The following SLC35F1 variants were observed in gnomAD, a reference collection of about 807,000 sequenced individuals.
The protein encoded by SLC35F1 is chromosome 6 open reading frame 169.
A neutral mutation model predicts 48.7 loss-of-function variants in SLC35F1; 14 were observed. The ratio of observed to expected loss-of-function variants is 0.29; its 90% CI spans 0.19 to 0.45. The LOEUF is 0.45. Among genes scored for constraint, SLC35F1 ranks in the 20% least tolerant of loss-of-function variants. The pLI is 1.00. For synonymous variants in SLC35F1, 190 were observed against 202.2 expected, an observed-to-expected ratio of 0.94 and a Z score of 0.51; for missense variants, 404 against 500.0, an observed-to-expected ratio of 0.81 and a Z score of 1.83.
At chr6:117,979,715 A>G (rs1776750577) in intron 1 of SLC35F1, among the ~76,000 whole-genome samples, 1 of 152,166 alleles carries the variant, frequency 6.6e-6, no homozygotes, top group Non-Finnish European at 1.5e-5. Flanking sequence ...GTCCAAAGTC[A>G]TGTAAGAGGG....
At chr6:117,999,926 A>G in intron 1 of SLC35F1, among the ~76,000 whole-genome samples, 1 of 151,578 alleles carries the variant, frequency 6.6e-6, no homozygotes, top group African/African-American at 2.4e-5. Context: ...GAATAGACCA[A>G]TAACAGGCTC....
At chr6:118,274,970 G>A (rs1403723274) in intron 4 of SLC35F1, among the ~76,000 whole-genome samples, 1 of 152,134 alleles carries the variant, frequency 6.6e-6, no homozygotes. Flanking sequence ...CTAAACTGCT[G>A]GAAAATGTCC....
intron 2 of SLC35F1, among the ~76,000 whole-genome samples, chr6:118,215,156 GA>G (rs199946620): frequency 2.7e-5 from 4 of 150,712 alleles, no homozygotes; most frequent in East Asian, 2.0e-4. Context: ...AAAACCTGGG[GA>G]AAAAAAAATC....
chr6:118,239,209 A>C lies in SLC35F1; in HGVS notation c.477+3573A>C, dbSNP rs533174468. Among the ~76,000 whole-genome samples the C allele has an allele frequency of 9.5e-4, 142 of 149,890 alleles. No homozygotes were observed. In the Middle Eastern group the frequency reaches 0.014, roughly 14 times the overall value. On this transcript the variant is annotated intron_variant, in intron 3 of 7. Transcript: ENST00000360388. The stretch of plus-strand genomic sequence containing the variant: ...AGGATAGTCTCTTGTTCACCATTGA[A>C]TCTCTAGTACCTAGAGGAAACCCCA...
At chr6:118,265,850 G>C (rs1410523497) in intron 3 of SLC35F1, among the ~76,000 whole-genome samples, 3 of 152,190 alleles carry the variant, frequency 2.0e-5, no homozygotes, top group Non-Finnish European at 4.4e-5. Context: ...CAAATCATAA[G>C]TTCCTCATGT....
At chr6:117,999,934 C>A (rs1777065232) in intron 1 of SLC35F1, among the ~76,000 whole-genome samples, 1 of 151,654 alleles carries the variant, frequency 6.6e-6, no homozygotes, top group Non-Finnish European at 1.5e-5. Context: ...CAATAACAGG[C>A]TCTGAAATTG....
intron 1 of SLC35F1, among the ~76,000 whole-genome samples, chr6:117,920,318 T>C (rs1166275686): frequency 6.6e-6 from 1 of 152,198 alleles, no homozygotes; most frequent in Non-Finnish European, 1.5e-5. Context: ...GGGGCGAGTG[T>C]TCCGCGGGGT....
chr6:118,138,415 G>A (rs1000779790), intron 1 of SLC35F1, among the ~76,000 whole-genome samples: 5 of 152,016 alleles, frequency 3.3e-5, no homozygotes, highest in African/African-American at 1.2e-4. Flanking sequence ...CTAAAACCTA[G>A]TCTCTTGTTA....
intron 1 of SLC35F1, among the ~76,000 whole-genome samples, chr6:118,049,560 G>A (rs1350747338): frequency 6.6e-6 from 1 of 151,612 alleles, no homozygotes; most frequent in Non-Finnish European, 1.5e-5. Context: ...CAAAGGATAT[G>A]AACAGACACT....
chr6:118,073,977 AGCT>A (rs1772781190), intron 1 of SLC35F1, among the ~76,000 whole-genome samples: 1 of 152,224 alleles, frequency 6.6e-6, no homozygotes, highest in African/African-American at 2.4e-5. Context: ...TCCAGGGGAA[AGCT>A]GCTTGTCAAA....
At chr6:118,288,361 C>T (rs920151407) in intron 7 of SLC35F1, among the ~76,000 whole-genome samples, 2 of 152,106 alleles carry the variant, frequency 1.3e-5, no homozygotes, top group African/African-American at 2.4e-5. Flanking sequence ...GCTTTTTATA[C>T]ATTTTAGGGA....
intron 2 of SLC35F1, among the ~76,000 whole-genome samples, chr6:118,165,879 A>T (rs1331195498): frequency 1.3e-5 from 2 of 152,210 alleles, no homozygotes; most frequent in African/African-American, 2.4e-5. Flanking sequence ...CCAGAGGGAA[A>T]ATTGGGTCAC....
chr6:118,172,818 C>T (rs527653242), intron 2 of SLC35F1, among the ~76,000 whole-genome samples: 2 of 152,194 alleles, frequency 1.3e-5, no homozygotes, highest in South Asian at 4.1e-4. Flanking sequence ...TTTTTTAGGG[C>T]TGGCTATTCA....
intron 3 of SLC35F1, among the ~76,000 whole-genome samples, chr6:118,252,346 G>T (rs1775585062): frequency 6.6e-6 from 1 of 151,966 alleles, no homozygotes; most frequent in Non-Finnish European, 1.5e-5. Flanking sequence ...AAAGCCAATA[G>T]GATTTTCTGA....
chr6:118,282,313 T>C (rs1057173148), intron 6 of SLC35F1, among the ~76,000 whole-genome samples: 21 of 152,358 alleles, frequency 1.4e-4, no homozygotes, highest in Middle Eastern at 3.4e-3. Context: ...AGGCTGGCTA[T>C]GCTTTGCTTG....
At chr6:118,212,790 G>A (rs544961929) in intron 2 of SLC35F1, among the ~76,000 whole-genome samples, 3 of 139,534 alleles carry the variant, frequency 2.2e-5, no homozygotes, top group African/African-American at 5.5e-5. Flanking sequence ...AAGGAAGGAA[G>A]GAAAGAAGGA....
rs535475089 is a variant in SLC35F1 at position 118,212,532 on chromosome 6, A to G, written c.350-22977A>G. On this transcript the variant is annotated intron_variant, in intron 2 of 7. Transcript: ENST00000360388. Reference sequence around the variant, plus strand: ...TGGTGAAACCACATCTCTACTAAAAATACAAAAATTAGCTGGGTATGGTGG... The same window carrying G: ...TGGTGAAACCACATCTCTACTAAAAGTACAAAAATTAGCTGGGTATGGTGG... Among the ~76,000 whole-genome samples, 158 of 152,200 alleles carry G rather than the reference A, an allele frequency of 1.0e-3. 1 individual carries two copies. The highest frequency in any genetic ancestry group is 2.0e-3 in the Non-Finnish European group (139 of 68,012).
At chr6:118,287,695 G>A (rs534036236) in intron 7 of SLC35F1, among the ~76,000 whole-genome samples, 1 of 152,222 alleles carries the variant, frequency 6.6e-6, no homozygotes, top group South Asian at 2.1e-4. Flanking sequence ...CAGTGTACTC[G>A]AACAGTGCCT....
chr6:118,242,712 G>C (rs1775456741), intron 3 of SLC35F1, among the ~76,000 whole-genome samples: 1 of 152,280 alleles, frequency 6.6e-6, no homozygotes, highest in East Asian at 1.9e-4. Context: ...CTTATCCAAA[G>C]ATTATTCATC....
Sources: gnomAD v4.1 joint callset for allele counts (sites outside exome capture counted in the v4.1 genomes callset) on GRCh38, gnomAD v4.1.1 for gene constraint, MANE v1.5 for transcripts, NCBI Gene and HGNC (gene_info 2026-07-23, HGNC 2026-07-21) for gene names.